TENT4A: variants seen among roughly 807,000 people sequenced by gnomAD.
The protein encoded by TENT4A is DNA polymerase kappa.
Under a neutral mutation model 72.8 loss-of-function variants are expected in TENT4A, and 7 were observed. That is an observed-to-expected ratio of 0.10 (90% CI 0.05 to 0.18). The LOEUF (loss-of-function observed/expected upper bound fraction) is 0.18. Ranked by LOEUF, TENT4A falls within the 10% of genes least tolerant of loss-of-function variation. The pLI, the probability that TENT4A is intolerant of heterozygous loss-of-function variation, is 1.00. For synonymous variants in TENT4A, 456 were observed against 434.3 expected (o/e 1.05, Z -0.62); for missense variants, 831 against 1,017.7 (o/e 0.82, Z 2.50).
chr5:6,750,987 A>C, intron 10 of TENT4A, 52 bp from the exon 11 acceptor site: 1 of 1,575,012 alleles, frequency 6.3e-7, no homozygotes, highest in Non-Finnish European at 8.7e-7. Context: ...AGGAAGTAGT[A>C]GTGCACCTTT....
chr5:6,733,085 A>G (rs1741290414), intron 1 of TENT4A, among the ~76,000 whole-genome samples: 1 of 152,194 alleles, frequency 6.6e-6, no homozygotes, highest in African/African-American at 2.4e-5. Flanking sequence ...TTAGCTCCTC[A>G]GCTGAGAATG....
intron 1 of TENT4A, among the ~76,000 whole-genome samples, chr5:6,726,440 T>G (rs1740923843): frequency 1.3e-5 from 2 of 152,176 alleles, no homozygotes; most frequent in Non-Finnish European, 2.9e-5. Context: ...CGACGCCCCC[T>G]GCGTTGCCTC....
intron 1 of TENT4A, among the ~76,000 whole-genome samples, chr5:6,718,497 ACCTG>A (rs1189723100): frequency 7.9e-5 from 12 of 152,056 alleles, no homozygotes; most frequent in African/African-American, 2.9e-4. Context: ...TTGTTGTGAG[ACCTG>A]CCTTAAAGGG....
chr5:6,749,724 A>C (rs1326039816), intron 9 of TENT4A, 67 bp downstream of exon 9: 1 of 1,030,220 alleles, frequency 9.7e-7, no homozygotes, highest in South Asian at 1.3e-5. Flanking sequence ...AAGTGTCTCT[A>C]TTCCTTTGTG....
In TENT4A at chr5:6,751,221, C is replaced by T. The variant is rs1259364209; in HGVS notation, c.2019+24C>T. Reference sequence around the variant, plus strand: ...AGGTACGTGGCCCTCTGGCACCCTTCCCGCTGGTGGCCCCTGGGAACAGCA... The same window carrying T: ...AGGTACGTGGCCCTCTGGCACCCTTTCCGCTGGTGGCCCCTGGGAACAGCA... On this transcript the variant is annotated intron_variant, in intron 11 of 12. Coordinates refer to ENST00000230859, the MANE Select transcript of TENT4A (RefSeq NM_006999.6). The T allele has an allele frequency of 1.9e-6, 3 of 1,613,458 alleles. No homozygotes were observed. In the East Asian group the frequency reaches 6.7e-5, roughly 36 times the overall value.
intron 1 of TENT4A, among the ~76,000 whole-genome samples, chr5:6,730,249 C>T (rs952992687): frequency 6.6e-6 from 1 of 152,112 alleles, no homozygotes; most frequent in Admixed American, 6.5e-5. Context: ...GGCCCTGGGA[C>T]ATCACCTGCT....
intron 11 of TENT4A, among the ~76,000 whole-genome samples, chr5:6,752,518 G>C (rs1046976454): frequency 6.6e-6 from 1 of 152,238 alleles, no homozygotes; most frequent in African/African-American, 2.4e-5. Context: ...CCACCAGTTG[G>C]GCCAGCCTTG....
intron 1 of TENT4A, among the ~76,000 whole-genome samples, chr5:6,728,408 G>A (rs1369689589): frequency 1.1e-4 from 17 of 152,218 alleles, no homozygotes; most frequent in Admixed American, 1.1e-3. Context: ...GAGAGAGCCT[G>A]GTTGGCCTTA....
chr5:6,735,015 T>C (rs1579471980), intron 1 of TENT4A, among the ~76,000 whole-genome samples: 1 of 152,194 alleles, frequency 6.6e-6, no homozygotes, highest in Admixed American at 6.5e-5. Context: ...GCTGCACAGG[T>C]CCTGAAAGCT....
intron 1 of TENT4A, among the ~76,000 whole-genome samples, chr5:6,734,505 G>A (rs1741369166): frequency 1.3e-5 from 2 of 152,242 alleles, no homozygotes; most frequent in African/African-American, 4.8e-5. Context: ...GGGCCAGTGG[G>A]GCACTTCGCC....
intron 1 of TENT4A, among the ~76,000 whole-genome samples, chr5:6,721,742 G>T (rs1013043006): frequency 3.9e-5 from 6 of 152,234 alleles, no homozygotes; most frequent in African/African-American, 1.4e-4. Context: ...GAGGGTCCCT[G>T]TTGGCAGAGA....
chr5:6,737,588 G>A lies in TENT4A; in HGVS notation c.795G>A (p.Val265=). The A allele has an allele frequency of 1.9e-6, 3 of 1,614,194 alleles. No homozygotes were observed. Among genetic ancestry groups the A allele is most frequent in the Non-Finnish European group, 2.5e-6 (3 of 1,180,012 alleles). Residue 265 remains valine (V), a synonymous_variant, in exon 2 of 13, where the codon GTG becomes GTA. Transcript: ENST00000230859. ...PEEAAMRREV[V]KRIETVVKDL... Reference sequence around the variant, plus strand: ...AAGCAGCTATGAGAAGAGAGGTGGTGAAACGGATCGAAACTGTGGTGAAAG... The same window carrying A: ...AAGCAGCTATGAGAAGAGAGGTGGTAAAACGGATCGAAACTGTGGTGAAAG...
In TENT4A at chr5:6,722,411, T is replaced by C. The variant is rs1225631107; in HGVS notation, c.716+7712T>C. Among the ~76,000 whole-genome samples the C allele has an allele frequency of 2.6e-5, 4 of 152,194 alleles. No homozygotes were observed. In the East Asian group the frequency reaches 5.8e-4, roughly 22 times the overall value. ...ACTTTCAGACCAAAGTGAAAACTGC[T>C]AAAGACTGAATATTCTGAGTCTTGG... On this transcript the variant is annotated intron_variant, in intron 1 of 12. Coordinates refer to ENST00000230859, the MANE Select transcript of TENT4A (RefSeq NM_006999.6).
intron 1 of TENT4A, among the ~76,000 whole-genome samples, chr5:6,716,936 C>T (rs1272656862): frequency 6.6e-6 from 1 of 152,224 alleles, no homozygotes; most frequent in African/African-American, 2.4e-5. Flanking sequence ...TTCCTGCCGT[C>T]TCTGCCCAAA....
At chr5:6,737,844 C>T (rs1221886190) in intron 2 of TENT4A, among the ~76,000 whole-genome samples, 1 of 152,024 alleles carries the variant, frequency 6.6e-6, no homozygotes, top group Non-Finnish European at 1.5e-5. Flanking sequence ...CCTGCGGTGG[C>T]CGCACATCTT....
At chr5:6,739,877 T>C (rs917426235) in intron 4 of TENT4A, 25 bp downstream of exon 4, 6 of 1,608,908 alleles carry the variant, frequency 3.7e-6, no homozygotes, top group South Asian at 2.2e-5. Flanking sequence ...TTGGCCCCTC[T>C]GACCGGGCAG....
intron 1 of TENT4A, among the ~76,000 whole-genome samples, chr5:6,731,904 G>A (rs944848083): frequency 2.0e-5 from 3 of 152,202 alleles, no homozygotes; most frequent in Non-Finnish European, 4.4e-5. Flanking sequence ...CCTGCGTTAT[G>A]AAGTGTTTGG....
chr5:6,722,378 C>A (rs1434576628), intron 1 of TENT4A, among the ~76,000 whole-genome samples: 1 of 152,138 alleles, frequency 6.6e-6, no homozygotes, highest in Non-Finnish European at 1.5e-5. Context: ...TTTGAAAATA[C>A]AACTTCCACT....
chr5:6,726,816 C>T (rs910546993), intron 1 of TENT4A, among the ~76,000 whole-genome samples: 9 of 152,218 alleles, frequency 5.9e-5, no homozygotes, highest in Non-Finnish European at 8.8e-5. Flanking sequence ...CTCCCTCCTG[C>T]GCCCAACTGC....
Sources: allele counts gnomAD v4.1 joint callset (sites outside exome capture counted in the v4.1 genomes callset), GRCh38; gene constraint gnomAD v4.1.1; transcripts MANE v1.5; gene names NCBI Gene and HGNC (gene_info 2026-07-23, HGNC 2026-07-21).